The following CSNK2A2 variants were observed in gnomAD, a reference collection of about 807,000 sequenced individuals.
CSNK2A2 encodes the protein casein kinase 2 alpha 2.
CSNK2A2 carries 8 observed loss-of-function variants against 54.0 expected under a neutral mutation model. The observed-to-expected ratio is 0.15, with a 90% CI of 0.09 to 0.27. The LOEUF is 0.27. Among genes scored for constraint, CSNK2A2 ranks in the 10% least tolerant of loss-of-function variants. The pLI is 1.00. For missense variants in CSNK2A2, 242 were observed against 439.4 expected, an observed-to-expected ratio of 0.55 and a Z score of 4.02; for synonymous variants, 141 against 153.9, an observed-to-expected ratio of 0.92 and a Z score of 0.62.
chr16:58,185,431 C>G (rs574374824), intron 3 of CSNK2A2, among the ~76,000 whole-genome samples: 1 of 152,282 alleles, frequency 6.6e-6, no homozygotes, highest in East Asian at 1.9e-4. Context: ...ACTTGTCTTA[C>G]ATATCATGTA....
chr16:58,189,130 T>C (rs902778898), intron 2 of CSNK2A2, among the ~76,000 whole-genome samples: 3 of 152,040 alleles, frequency 2.0e-5, no homozygotes, highest in African/African-American at 7.2e-5. Flanking sequence ...CTAATTTTTT[T>C]GTATTTTTAG....
intron 3 of CSNK2A2, 134 bp from the exon 4 acceptor site, chr16:58,184,444 A>G (rs1357706868): frequency 1.7e-6 from 1 of 576,190 alleles, no homozygotes; most frequent in East Asian, 3.1e-5. Context: ...GCCTGTCAAG[A>G]AAAGTATTCT....
At chr16:58,166,544 C>T (rs1026284995) in intron 9 of CSNK2A2, 40 bp downstream of exon 9, 8 of 1,380,922 alleles carry the variant, frequency 5.8e-6, no homozygotes, top group South Asian at 2.4e-5. Context: ...ACTTCTGAAA[C>T]GGGGTAAGGT....
chr16:58,162,537 A>G (rs1157197523), intron 11 of CSNK2A2: 2 of 152,240 alleles, frequency 1.3e-5, no homozygotes, highest in Non-Finnish European at 2.9e-5. Context: ...AATACCAATA[A>G]GATTTTATTG....
chr16:58,192,840 A>G (rs973935676), intron 2 of CSNK2A2: 4 of 152,342 alleles, frequency 2.6e-5, no homozygotes, highest in South Asian at 4.1e-4. Flanking sequence ...CCCTGACTAC[A>G]TGACGCTGAG....
chr16:58,167,403 G>T (rs1053170036), intron 7 of CSNK2A2, 95 bp from the exon 8 acceptor site: 4 of 857,282 alleles, frequency 4.7e-6, no homozygotes, highest in Non-Finnish European at 7.1e-6. Context: ...CGTGTTCAGG[G>T]TGGTATGGCC....
At chr16:58,190,316 C>T (rs1962295472) in intron 2 of CSNK2A2, among the ~76,000 whole-genome samples, 1 of 152,132 alleles carries the variant, frequency 6.6e-6, no homozygotes, top group Admixed American at 6.5e-5. Context: ...AACATATCTA[C>T]AGCTCCTAGC....
chr16:58,184,171 C>T, intron 4 of CSNK2A2, 89 bp downstream of exon 4: 1 of 984,552 alleles, frequency 1.0e-6, no homozygotes, highest in Non-Finnish European at 1.5e-6. Context: ...AATGACAGCC[C>T]TGGCCCCTTG....
Position 58,164,048 on chromosome 16 carries a change from C to T in CSNK2A2, c.*17+6G>A, listed in dbSNP as rs776822987. The stretch of plus-strand genomic sequence containing the variant: ...GTTTTATTGGCAAGCATCAATGCCG[C>T]ATTACCCGTCGCTTTCCAGTCTTCA... On this transcript the variant is annotated splice_donor_region_variant and intron_variant, in intron 11 of 11. Coordinates refer to ENST00000262506, the MANE Select transcript of CSNK2A2 (RefSeq NM_001896.4). 1.0e-5 allele frequency: 16 copies of T among 1,607,050 alleles called. 1 individual carries two copies. The South Asian group carries it at 1.4e-4, about 14-fold the overall frequency.
intron 2 of CSNK2A2, 28 bp from the exon 3 acceptor site, chr16:58,186,884 G>A: frequency 6.5e-7 from 1 of 1,528,108 alleles, no homozygotes; most frequent in Non-Finnish European, 9.1e-7. Context: ...AATCAGAAGT[G>A]AGACTCCTTT....
At position 58,166,704 on chromosome 16, in the gene CSNK2A2, G is replaced by C. The variant is rs770575416; in HGVS notation, c.727-20C>G. The C allele has an allele frequency of 6.4e-7, 1 of 1,571,014 alleles. No homozygotes were observed. Among genetic ancestry groups the C allele is most frequent in the Non-Finnish European group, 8.8e-7 (1 of 1,141,710 alleles). ...AACAAGCTGAAACACAAAACAAACTGACCAAATCACTGAGCACAGAACACA... is the reference window on the plus strand; with the variant it reads ...AACAAGCTGAAACACAAAACAAACTCACCAAATCACTGAGCACAGAACACA... On this transcript the variant is annotated intron_variant, in intron 8 of 11. Coordinates refer to ENST00000262506, the MANE Select transcript of CSNK2A2 (RefSeq NM_001896.4).
chr16:58,193,483 C>G (rs1239080136), intron 2 of CSNK2A2, among the ~76,000 whole-genome samples: 2 of 152,092 alleles, frequency 1.3e-5, no homozygotes, highest in Non-Finnish European at 2.9e-5. Flanking sequence ...TAAGAGGAAG[C>G]CTTATATGGG....
intron 4 of CSNK2A2, among the ~76,000 whole-genome samples, chr16:58,177,292 C>G (rs1265051437): frequency 2.0e-5 from 3 of 152,246 alleles, no homozygotes; most frequent in Admixed American, 2.0e-4. Context: ...ACTACACTTT[C>G]TCTCCCTTCT....
chr16:58,184,177 C>A, intron 4 of CSNK2A2, 83 bp downstream of exon 4: 2 of 1,047,686 alleles, frequency 1.9e-6, no homozygotes, highest in Non-Finnish European at 2.8e-6. Flanking sequence ...AGCCCTGGCC[C>A]CTTGGGTTCT....
intron 4 of CSNK2A2, among the ~76,000 whole-genome samples, chr16:58,180,630 C>T (rs940762253): frequency 6.6e-5 from 10 of 152,050 alleles, no homozygotes; most frequent in Non-Finnish European, 1.5e-4. Context: ...AAAAGCTACC[C>T]AATCTATCTT....
At chr16:58,174,556 A>G (rs1460907686) in intron 4 of CSNK2A2, 46 bp from the exon 5 acceptor site, 1 of 1,499,250 alleles carries the variant, frequency 6.7e-7, no homozygotes, top group Non-Finnish European at 9.3e-7. Flanking sequence ...GTCTCACTGC[A>G]TCTTGTCATC....
At position 58,182,391 on chromosome 16, in the gene CSNK2A2, A is replaced by C. The variant is rs1380330720; in HGVS notation, c.369+1869T>G. On this transcript the variant is annotated intron_variant, in intron 4 of 11. Coordinates refer to ENST00000262506, the MANE Select transcript of CSNK2A2 (RefSeq NM_001896.4). ...AAATATACCAAAAAAAAAAAAAAAAAAAAAAAAAAAAAAACTAGCCAGGCG... is the reference window on the plus strand; with the variant it reads ...AAATATACCAAAAAAAAAAAAAAAACAAAAAAAAAAAAAACTAGCCAGGCG... Among the ~76,000 whole-genome samples the C allele has an allele frequency of 5.2e-3, 749 of 145,388 alleles. 10 individuals are homozygous for C. Among genetic ancestry groups the C allele is most frequent in the Middle Eastern group, 0.014 (4 of 292 alleles).
chr16:58,167,779 C>T lies in CSNK2A2; in HGVS notation c.530G>A (p.Trp177Ter). The T allele has an allele frequency of 6.2e-7, 1 of 1,613,976 alleles. No individual in the cohort carries two copies. Among genetic ancestry groups the T allele is most frequent in the African/African-American group, 1.3e-5 (1 of 75,018 alleles). ...AGGATGATAGAATTCTGCCAGACCC[C>T]AATCTATCAGTCGCAGCTACAAATA... Reference protein sequence around the residue: ...HQQKKLRLIDWGLAEFYHPAQ... With the variant: ...HQQKKLRLID The change falls in exon 7 of 12, where the codon TGG becomes TAG. Residue 177 changes from tryptophan to a stop codon, truncating the protein, a stop_gained. Transcript: ENST00000262506. LOFTEE classifies it high-confidence loss of function.
At chr16:58,178,444 G>A (rs1029296636) in intron 4 of CSNK2A2, among the ~76,000 whole-genome samples, 6 of 151,878 alleles carry the variant, frequency 4.0e-5, no homozygotes, top group African/African-American at 9.7e-5. Context: ...ACCATAGCCC[G>A]CCGAATTTTT....
Sources: allele counts gnomAD v4.1 joint callset (sites outside exome capture counted in the v4.1 genomes callset), GRCh38; gene constraint gnomAD v4.1.1; transcripts MANE v1.5; gene names NCBI Gene and HGNC (gene_info 2026-07-23, HGNC 2026-07-21).